EML4: variants seen among roughly 807,000 people sequenced by gnomAD.
EML4 encodes echinoderm microtubule-associated protein-like 4.
In EML4, 72 loss-of-function variants were observed where a neutral mutation model predicts 129.0. That is an observed-to-expected ratio of 0.56 (90% CI 0.46 to 0.68). The LOEUF (loss-of-function observed/expected upper bound fraction) is 0.68, where lower values mean the gene tolerates loss of function less well. Among genes scored for constraint, EML4 ranks in the 30% least tolerant of loss-of-function variants. The pLI is 0.00. For missense variants in EML4, 1,363 were observed against 1,190.6 expected (o/e 1.14, Z -2.13); for synonymous variants, 532 against 405.0 (o/e 1.31, Z -3.77).
At chr2:42,290,203 C>G (rs1364987862) in intron 11 of EML4, among the ~76,000 whole-genome samples, 2 of 152,080 alleles carry the variant, frequency 1.3e-5, no homozygotes, top group African/African-American at 4.8e-5. Context: ...TCAGAAATGA[C>G]TTGATTCAGG....
intron 17 of EML4, among the ~76,000 whole-genome samples, chr2:42,305,185 G>A (rs1441652855): frequency 6.6e-6 from 1 of 152,178 alleles, no homozygotes; most frequent in African/African-American, 2.4e-5. Flanking sequence ...GCTGAGGCAG[G>A]AAGATTGCTT....
chr2:42,312,458 C>T (rs1034736306), intron 17 of EML4, among the ~76,000 whole-genome samples: 1 of 152,154 alleles, frequency 6.6e-6, no homozygotes, highest in Non-Finnish European at 1.5e-5. Context: ...TGAAGCCTAC[C>T]TAAAGACTTC....
At chr2:42,321,481 C>T (rs184174442) in intron 19 of EML4, among the ~76,000 whole-genome samples, 48 of 152,214 alleles carry the variant, frequency 3.2e-4, no homozygotes, top group Middle Eastern at 3.4e-3. Context: ...TCTTTCTAAG[C>T]CATCTTATTA....
chr2:42,176,567 C>T (rs1670615429), intron 1 of EML4, among the ~76,000 whole-genome samples: 1 of 152,218 alleles, frequency 6.6e-6, no homozygotes, highest in South Asian at 2.1e-4. Flanking sequence ...ATCCTGATGA[C>T]TATTCTCAGT....
intron 1 of EML4, among the ~76,000 whole-genome samples, chr2:42,176,160 G>T (rs1391174576): frequency 6.6e-6 from 1 of 152,026 alleles, no homozygotes; most frequent in Non-Finnish European, 1.5e-5. Flanking sequence ...GTATCACCCA[G>T]TTTGAAATTT....
chr2:42,283,039 G>A (rs1449465724), intron 8 of EML4, 67 bp downstream of exon 8: 7 of 1,396,410 alleles, frequency 5.0e-6, no homozygotes, highest in African/African-American at 4.4e-5. Context: ...TTTTAAATTT[G>A]GGTTTTATTG....
At chr2:42,282,452 G>A (rs754398537) in intron 7 of EML4, among the ~76,000 whole-genome samples, 3 of 152,116 alleles carry the variant, frequency 2.0e-5, no homozygotes, top group Non-Finnish European at 2.9e-5. Context: ...GCAGTGGCAC[G>A]ATCACTGCTC....
chr2:42,250,296 A>T (rs1675678569), intron 2 of EML4, among the ~76,000 whole-genome samples: 1 of 152,190 alleles, frequency 6.6e-6, no homozygotes, highest in African/African-American at 2.4e-5. Context: ...ATTGCTAATT[A>T]TGTAAAATCT....
intron 17 of EML4, among the ~76,000 whole-genome samples, chr2:42,306,456 T>C (rs1668596945): frequency 6.6e-6 from 1 of 150,554 alleles, no homozygotes; most frequent in Admixed American, 6.6e-5. Flanking sequence ...TATCATTTAT[T>C]CAGTGTCTGA....
At chr2:42,263,152 C>T (rs766113787) in intron 4 of EML4, 26 bp from the exon 5 acceptor site, 134 of 1,589,936 alleles carry the variant, frequency 8.4e-5, no homozygotes, top group Non-Finnish European at 1.1e-4. Context: ...CAGAATTTTT[C>T]TCTAAGAAAT....
chr2:42,186,608 T>C (rs541024851), intron 1 of EML4, among the ~76,000 whole-genome samples: 35 of 152,366 alleles, frequency 2.3e-4, no homozygotes, highest in Admixed American at 1.2e-3. Flanking sequence ...TCAGACTTCA[T>C]TGGACTTATT....
chr2:42,331,864 C>G lies in EML4; in HGVS notation c.*1657C>G. The G allele has an allele frequency of 4.6e-6, 1 of 217,564 alleles. No homozygotes were observed. The highest frequency in any genetic ancestry group is 6.8e-5 in the East Asian group (1 of 14,732). The allele number at this position is 217,564 out of a possible 1,614,324, so 13.5% of individuals were successfully genotyped here. ...TCTCTAGATAAGAAGATATGCACCA[C>G]GTTGAAAATACTCAGTGTAGATCTC... On this transcript the variant is annotated 3_prime_UTR_variant, in exon 23 of 23. Transcript: ENST00000318522.
intron 1 of EML4, among the ~76,000 whole-genome samples, chr2:42,184,993 T>C (rs887464639): frequency 1.3e-5 from 2 of 152,326 alleles, no homozygotes; most frequent in Middle Eastern, 3.4e-3. Context: ...AAATTCTCTT[T>C]AACTTTTTGT....
intron 17 of EML4, among the ~76,000 whole-genome samples, chr2:42,314,856 C>T (rs1669149118): frequency 6.6e-6 from 1 of 152,196 alleles, no homozygotes; most frequent in Non-Finnish European, 1.5e-5. Context: ...TCCTTTCCTT[C>T]AAATACTTTT....
At chr2:42,256,742 G>C in intron 3 of EML4, 112 bp downstream of exon 3, 1 of 1,324,680 alleles carries the variant, frequency 7.5e-7, no homozygotes, top group Non-Finnish European at 1.0e-6. Context: ...AAGTGAGCAT[G>C]TCCTTTGAAT....
chr2:42,260,421 C>T (rs1005527148), intron 3 of EML4, among the ~76,000 whole-genome samples: 5 of 152,226 alleles, frequency 3.3e-5, no homozygotes, highest in Non-Finnish European at 7.3e-5. Context: ...TTGCCTCGCC[C>T]TCCCAAAGTG....
intron 13 of EML4, among the ~76,000 whole-genome samples, chr2:42,300,657 G>A (rs1374309321): frequency 2.0e-5 from 3 of 152,142 alleles, no homozygotes; most frequent in Admixed American, 2.0e-4. Context: ...CAAATAAAGG[G>A]GAGTAATCCT....
chr2:42,212,680 T>A (rs1672955180), intron 1 of EML4, among the ~76,000 whole-genome samples: 1 of 152,248 alleles, frequency 6.6e-6, no homozygotes, highest in East Asian at 1.9e-4. Context: ...GTCCACATTA[T>A]TCACTGCTAC....
chr2:42,208,933 C>T (rs1169489837), intron 1 of EML4, among the ~76,000 whole-genome samples: 2 of 152,062 alleles, frequency 1.3e-5, no homozygotes, highest in Non-Finnish European at 2.9e-5. Context: ...TATAGGTACC[C>T]ATCCCATTTA....
Sources: allele counts gnomAD v4.1 joint callset (sites outside exome capture counted in the v4.1 genomes callset), GRCh38; gene constraint gnomAD v4.1.1; transcripts MANE v1.5; gene names NCBI Gene and HGNC (gene_info 2026-07-23, HGNC 2026-07-21).